The following SYNJ2BP variants were observed in gnomAD, a reference collection of about 807,000 sequenced individuals.
SYNJ2BP encodes synaptojanin 2 binding protein.
A neutral mutation model predicts 16.9 loss-of-function variants in SYNJ2BP; 10 were observed. The observed-to-expected ratio is 0.59, with a 90% CI of 0.36 to 1.00. SYNJ2BP has a LOEUF of 1.00. Ranked by LOEUF, SYNJ2BP falls within the 50% of genes least tolerant of loss-of-function variation. The pLI is 0.01. For synonymous variants in SYNJ2BP, 54 were observed against 68.4 expected (o/e 0.79, Z 1.04); for missense variants, 162 against 186.7 (o/e 0.87, Z 0.77).
At chr14:70,374,584 T>G (rs1345684363) in intron 3 of SYNJ2BP, among the ~76,000 whole-genome samples, 3 of 152,234 alleles carry the variant, frequency 2.0e-5, no homozygotes, top group Non-Finnish European at 2.9e-5. Context: ...ATCATCCAAA[T>G]TATAAAACAC....
intron 1 of SYNJ2BP, among the ~76,000 whole-genome samples, chr14:70,400,496 A>G (rs1268268200): frequency 6.6e-6 from 1 of 152,186 alleles, no homozygotes; most frequent in African/African-American, 2.4e-5. Flanking sequence ...TTGTGGTTTT[A>G]TTCCCAAGTT....
intron 1 of SYNJ2BP, among the ~76,000 whole-genome samples, chr14:70,403,422 T>C (rs1336103826): frequency 6.6e-6 from 1 of 152,178 alleles, no homozygotes; most frequent in Non-Finnish European, 1.5e-5. Context: ...TCCCAGTAAG[T>C]TAAGGGATTC....
In SYNJ2BP at chr14:70,369,874, T is replaced by C. The variant is rs1159101870; in HGVS notation, c.*3117A>G. ...ATACCTTCGTTCAATTTTCAAAACT[T>C]TGAACGTAATAATTTAGGTAGTAGG... is the stretch of plus-strand genomic sequence containing the variant. On this transcript the variant is annotated 3_prime_UTR_variant, in exon 4 of 4. Transcript: ENST00000256366. 1.3e-5 allele frequency: 2 copies of C among 152,172 alleles called. No individual in the cohort carries two copies. The highest frequency in any genetic ancestry group is 2.9e-5 in the Non-Finnish European group (2 of 68,030). 9.4% of individuals were successfully genotyped at this position (152,172 alleles called of 1,614,324 possible). A position where few individuals can be genotyped will look rare whatever the true frequency, so the allele number is the denominator to read the frequency against.
In SYNJ2BP at chr14:70,394,191, T is replaced by G. The variant is rs113167720; in HGVS notation, c.65-5585A>C. On this transcript the variant is annotated intron_variant, in intron 1 of 3. Transcript: ENST00000256366. ...ATATTCATAACACAACACCTCCCTA[T>G]AAATAAAAACATACACACAAATATT... Among the ~76,000 whole-genome samples, 666 of 152,074 alleles carry G rather than the reference T, an allele frequency of 4.4e-3. 1 individual carries two copies. Among genetic ancestry groups the G allele is most frequent in the Non-Finnish European group, 6.9e-3 (466 of 67,976 alleles).
chr14:70,370,533 G>A lies in SYNJ2BP; in HGVS notation c.*2458C>T, dbSNP rs1409356308. ...AAGCAAGTTTCTCCCTATACCAGTA[G>A]TGACCCAGAGGCAAGGTCTTACCGG... is the stretch of plus-strand genomic sequence containing the variant. On this transcript the variant is annotated 3_prime_UTR_variant, in exon 4 of 4. Transcript: ENST00000256366. 6.6e-6 allele frequency: 1 copy of A among 152,152 alleles called. No individual in the cohort carries two copies. Among genetic ancestry groups the A allele is most frequent in the Non-Finnish European group, 1.5e-5 (1 of 68,034 alleles). The allele number at this position is 152,152 out of a possible 1,614,324, so 9.4% of individuals were successfully genotyped here.
intron 1 of SYNJ2BP, among the ~76,000 whole-genome samples, chr14:70,412,985 T>G (rs1019196485): frequency 3.1e-4 from 47 of 152,122 alleles, no homozygotes; most frequent in Non-Finnish European, 6.5e-4. Flanking sequence ...GTGAGAGCCT[T>G]AGATACTATA....
At position 70,368,291 on chromosome 14, in the gene SYNJ2BP, A is replaced by G. The variant is rs1887438618; in HGVS notation, c.*4700T>C. ...TGCTTGCAATATCCTTTAGCTGTCT[A>G]TCAGTTCTGGTCTTTATTCAGGCCC... On this transcript the variant is annotated 3_prime_UTR_variant, in exon 4 of 4. Coordinates refer to ENST00000256366, the MANE Select transcript of SYNJ2BP (RefSeq NM_018373.3). 1 of 152,198 alleles carries G rather than the reference A, an allele frequency of 6.6e-6. No individual in the cohort carries two copies. Among genetic ancestry groups the G allele is most frequent in the South Asian group, 2.1e-4 (1 of 4,832 alleles). The allele number at this position is 152,198 out of a possible 1,614,324, so 9.4% of individuals were successfully genotyped here.
At chr14:70,410,921 G>A (rs1888458827) in intron 1 of SYNJ2BP, among the ~76,000 whole-genome samples, 1 of 151,854 alleles carries the variant, frequency 6.6e-6, no homozygotes, top group African/African-American at 2.4e-5. Context: ...TTAATACCTG[G>A]GTGACGAAAA....
intron 1 of SYNJ2BP, among the ~76,000 whole-genome samples, chr14:70,399,349 CCTGCTTGTCCCTGGCTCCCA>C (rs943145700): frequency 6.6e-6 from 1 of 152,336 alleles, no homozygotes. Context: ...CAGTGGGGTT[CCTGCTTGTCCCTGGCTCCCA>C]CTGGCTCCAT....
intron 1 of SYNJ2BP, among the ~76,000 whole-genome samples, chr14:70,401,439 G>T (rs1195110167): frequency 6.6e-6 from 1 of 150,630 alleles, no homozygotes; most frequent in Admixed American, 6.6e-5. Flanking sequence ...AAGAAAAAAA[G>T]CTTAATTAAA....
intron 1 of SYNJ2BP, among the ~76,000 whole-genome samples, chr14:70,399,870 T>C (rs1199808649): frequency 6.6e-6 from 1 of 152,206 alleles, no homozygotes; most frequent in Non-Finnish European, 1.5e-5. Flanking sequence ...GGGTCCCCAG[T>C]AAAAGGGAGC....
intron 1 of SYNJ2BP, among the ~76,000 whole-genome samples, chr14:70,401,529 T>TC (rs774089236): frequency 7.0e-6 from 1 of 142,140 alleles, no homozygotes; most frequent in Non-Finnish European, 1.6e-5. Flanking sequence ...TCTTGGCTTT[T>TC]TTTTTTTTTT....
intron 1 of SYNJ2BP, among the ~76,000 whole-genome samples, chr14:70,401,472 G>GT (rs1210355278): frequency 2.0e-5 from 3 of 149,854 alleles, no homozygotes; most frequent in African/African-American, 4.9e-5. Flanking sequence ...GCTATCTTTT[G>GT]TGGGGGGGAA....
chr14:70,388,092 G>C (rs1027289980), intron 2 of SYNJ2BP, among the ~76,000 whole-genome samples: 2 of 152,132 alleles, frequency 1.3e-5, no homozygotes, highest in Non-Finnish European at 2.9e-5. Flanking sequence ...TATAAGGGCT[G>C]ACATTCCCCC....
In SYNJ2BP at chr14:70,367,800, G is replaced by A. The variant is rs955089970; in HGVS notation, c.*5191C>T. ...ATAACTCAATCTTCTACTACCAGGTGATGTTAAAAAAATACTTTAACATCA... is the reference window on the plus strand; with the variant it reads ...ATAACTCAATCTTCTACTACCAGGTAATGTTAAAAAAATACTTTAACATCA... On this transcript the variant is annotated 3_prime_UTR_variant, in exon 4 of 4. Transcript: ENST00000256366. 2 of 152,022 alleles carry A rather than the reference G, an allele frequency of 1.3e-5. No homozygotes were observed. The highest frequency in any genetic ancestry group is 2.9e-5 in the Non-Finnish European group (2 of 67,992). The allele number at this position is 152,022 out of a possible 1,614,324, so 9.4% of individuals were successfully genotyped here.
At chr14:70,394,610 TGA>T (rs955652250) in intron 1 of SYNJ2BP, among the ~76,000 whole-genome samples, 58 of 152,174 alleles carry the variant, frequency 3.8e-4, no homozygotes, top group African/African-American at 1.4e-3. Flanking sequence ...AGCATAAGAA[TGA>T]CACCACTATA....
At chr14:70,392,437 TA>T (rs1223595736) in intron 1 of SYNJ2BP, among the ~76,000 whole-genome samples, 2 of 152,156 alleles carry the variant, frequency 1.3e-5, no homozygotes, top group Admixed American at 1.3e-4. Flanking sequence ...ATAAGAATTA[TA>T]AATTCTGCCC....
chr14:70,413,591 A>G (rs1268780580), intron 1 of SYNJ2BP, among the ~76,000 whole-genome samples: 1 of 152,240 alleles, frequency 6.6e-6, no homozygotes, highest in Non-Finnish European at 1.5e-5. Flanking sequence ...GTGAGACAAG[A>G]TCGTGCCACT....
At chr14:70,414,097 C>A (rs1346705342) in intron 1 of SYNJ2BP, among the ~76,000 whole-genome samples, 2 of 152,090 alleles carry the variant, frequency 1.3e-5, no homozygotes, top group Non-Finnish European at 2.9e-5. Context: ...CATGATGATA[C>A]CATGAAGAAA....
Sources: gnomAD v4.1 joint callset for allele counts (sites outside exome capture counted in the v4.1 genomes callset) on GRCh38, gnomAD v4.1.1 for gene constraint, MANE v1.5 for transcripts, NCBI Gene and HGNC (gene_info 2026-07-23, HGNC 2026-07-21) for gene names.